STXBP4: variants seen among roughly 807,000 people sequenced by gnomAD.
STXBP4 encodes the protein syntaxin-binding protein 4.
A neutral mutation model predicts 76.1 loss-of-function variants in STXBP4; 55 were observed. The observed-to-expected ratio is 0.72, with a 90% CI of 0.58 to 0.91. The LOEUF (loss-of-function observed/expected upper bound fraction) is 0.91, where lower values mean the gene tolerates loss of function less well. Ranked by LOEUF, STXBP4 falls within the 40% of genes least tolerant of loss-of-function variation. The pLI is 0.00. For synonymous variants in STXBP4, 201 were observed against 220.2 expected (o/e 0.91, Z 0.77); for missense variants, 618 against 636.9 (o/e 0.97, Z 0.32).
intron 16 of STXBP4, among the ~76,000 whole-genome samples, chr17:55,094,762 T>C (rs555688694): frequency 3.9e-5 from 6 of 152,294 alleles, no homozygotes; most frequent in Middle Eastern, 6.8e-3. Context: ...TGAAATTCTT[T>C]AATACCACCA....
chr17:55,002,015 G>A (rs1212591459), intron 7 of STXBP4, among the ~76,000 whole-genome samples: 1 of 152,088 alleles, frequency 6.6e-6, no homozygotes, highest in East Asian at 1.9e-4. Context: ...TTTACCAGTG[G>A]GTTAATAGCA....
chr17:55,052,396 G>A (rs1292371410), intron 12 of STXBP4, among the ~76,000 whole-genome samples: 1 of 151,964 alleles, frequency 6.6e-6, no homozygotes, highest in Admixed American at 6.6e-5. Flanking sequence ...CGTAATTCAC[G>A]GTATCATTCG....
intron 16 of STXBP4, among the ~76,000 whole-genome samples, chr17:55,097,478 A>C (rs189932827): frequency 6.6e-6 from 1 of 152,166 alleles, no homozygotes; most frequent in Non-Finnish European, 1.5e-5. Context: ...CCTGGCTAAC[A>C]CGGTGAAACC....
the STXBP4 span, among the ~76,000 whole-genome samples, chr17:55,198,476 T>TA: frequency 5.3e-5 from 8 of 151,538 alleles, no homozygotes; most frequent in South Asian, 4.2e-4. Flanking sequence ...TCTTAAACTT[T>TA]AAAAAAAAAG....
At chr17:55,199,981 G>T in the STXBP4 span, among the ~76,000 whole-genome samples, 1 of 152,156 alleles carries the variant, frequency 6.6e-6, no homozygotes, top group Non-Finnish European at 1.5e-5. Context: ...CATTTCTTTT[G>T]ATAGTCCTTC....
chr17:55,026,604 G>A lies in STXBP4; in HGVS notation c.667-4564G>A, dbSNP rs556619750. Among the ~76,000 whole-genome samples, 5 of 152,334 alleles carry A rather than the reference G, an allele frequency of 3.3e-5. No homozygotes were observed. In the South Asian group the frequency reaches 6.2e-4, roughly 19 times the overall value. On this transcript the variant is annotated intron_variant, in intron 8 of 17. Coordinates refer to ENST00000376352, the MANE Select transcript of STXBP4 (RefSeq NM_178509.6). The stretch of plus-strand genomic sequence containing the variant: ...CCCAACTGGGGAACCTGGCAGTGTA[G>A]CTCACAGGGGAAGGCATTAACCCTA...
chr17:54,987,977 C>T (rs2077651352), intron 3 of STXBP4, among the ~76,000 whole-genome samples: 1 of 151,776 alleles, frequency 6.6e-6, no homozygotes, highest in African/African-American at 2.4e-5. Flanking sequence ...ATTTTTAATA[C>T]TTAATAGGAA....
At chr17:55,197,141 T>C in the STXBP4 span, among the ~76,000 whole-genome samples, 1 of 152,188 alleles carries the variant, frequency 6.6e-6, no homozygotes, top group South Asian at 2.1e-4. Flanking sequence ...ACAATTAAAT[T>C]AGAATCTCTG....
intron 16 of STXBP4, among the ~76,000 whole-genome samples, chr17:55,139,895 A>G (rs917199181): frequency 2.6e-5 from 4 of 152,144 alleles, no homozygotes; most frequent in African/African-American, 9.7e-5. Flanking sequence ...AAATAAACAC[A>G]ATGCAAATTG....
intron 4 of STXBP4, among the ~76,000 whole-genome samples, chr17:54,995,318 A>C (rs572593268): frequency 6.6e-6 from 1 of 152,142 alleles, no homozygotes; most frequent in Non-Finnish European, 1.5e-5. Context: ...CAACACTTTA[A>C]AGTTCTCAAA....
At chr17:55,051,767 A>AG (rs1254722093) in intron 12 of STXBP4, among the ~76,000 whole-genome samples, 1 of 152,082 alleles carries the variant, frequency 6.6e-6, no homozygotes, top group African/African-American at 2.4e-5. Flanking sequence ...AAAAGGAAAA[A>AG]GAAAGAAGGA....
chr17:55,112,408 AG>A (rs2079731095), intron 16 of STXBP4, among the ~76,000 whole-genome samples: 1 of 152,222 alleles, frequency 6.6e-6, no homozygotes, highest in Admixed American at 6.5e-5. Flanking sequence ...AATTTACTAC[AG>A]TAGTTATTCA....
At chr17:55,051,737 A>C (rs1379271571) in intron 12 of STXBP4, among the ~76,000 whole-genome samples, 1 of 152,152 alleles carries the variant, frequency 6.6e-6, no homozygotes, top group Admixed American at 6.6e-5. Flanking sequence ...CCTGGGCAAC[A>C]TAGTGACACC....
the STXBP4 span, among the ~76,000 whole-genome samples, chr17:55,192,164 T>C: frequency 6.6e-6 from 1 of 152,156 alleles, no homozygotes; most frequent in Non-Finnish European, 1.5e-5. Context: ...GAGTTCTGAG[T>C]GAATTGATAA....
In STXBP4 at chr17:55,130,708, A is replaced by G. The variant is rs186616532; in HGVS notation, c.1490-10602A>G. On this transcript the variant is annotated intron_variant, in intron 16 of 17. Coordinates refer to ENST00000376352, the MANE Select transcript of STXBP4 (RefSeq NM_178509.6). ...TCCCCACCTGCCTCTGGTAACAACT[A>G]TTCTACTTTTCATTTCTATGAGTTT... Among the ~76,000 whole-genome samples the G allele has an allele frequency of 1.7e-4, 26 of 152,244 alleles. No individual in the cohort carries two copies. In the East Asian group the frequency reaches 4.6e-3, roughly 27 times the overall value.
chr17:55,039,849 A>G (rs2078668695), intron 10 of STXBP4, among the ~76,000 whole-genome samples: 2 of 152,166 alleles, frequency 1.3e-5, no homozygotes, highest in Admixed American at 1.3e-4. Flanking sequence ...AGTAGAGACC[A>G]TGACAGATTG....
At chr17:55,124,306 A>G (rs539203447) in intron 16 of STXBP4, among the ~76,000 whole-genome samples, 1 of 152,308 alleles carries the variant, frequency 6.6e-6, no homozygotes, top group Admixed American at 6.5e-5. Context: ...AATAAAAGAT[A>G]TGTGTTCAGG....
rs553522210 is a variant in STXBP4, at chr17:55,053,726, A to G, written c.1011+6572A>G. On this transcript the variant is annotated intron_variant, in intron 12 of 17. Transcript: ENST00000376352. Reference sequence around the variant, plus strand: ...TTGATATGACTTTTTAGTGCTTTTCATTCTGTATCTTTTATACCTCCATGA... The same window carrying G: ...TTGATATGACTTTTTAGTGCTTTTCGTTCTGTATCTTTTATACCTCCATGA... 1.7e-4 allele frequency among the ~76,000 whole-genome samples: 26 copies of G among 152,062 alleles called. No individual in the cohort carries two copies. The South Asian group carries it at 4.1e-3, about 24-fold the overall frequency.
At chr17:55,211,832 G>A in the STXBP4 span, among the ~76,000 whole-genome samples, 445 of 80,330 alleles carry the variant, frequency 5.5e-3, 4 homozygotes, top group African/African-American at 0.021. Context: ...TTTTTTTGAC[G>A]GAGTCTTGCT....
Sources: allele counts gnomAD v4.1 joint callset (sites outside exome capture counted in the v4.1 genomes callset), GRCh38; gene constraint gnomAD v4.1.1; transcripts MANE v1.5; gene names NCBI Gene and HGNC (gene_info 2026-07-23, HGNC 2026-07-21).